Variants in CLASP1 observed in about 807,000 individuals in gnomAD.
CLASP1 encodes cytoplasmic linker associated protein 1, also known as CLIP-associating protein 1.
Under a neutral mutation model 192.3 loss-of-function variants are expected in CLASP1, and 38 were observed. That is an observed-to-expected ratio of 0.20 (90% CI 0.15 to 0.26). The LOEUF (loss-of-function observed/expected upper bound fraction) is 0.26, where lower values mean the gene tolerates loss of function less well. Among genes scored for constraint, CLASP1 ranks in the 10% least tolerant of loss-of-function variants. CLASP1 has a pLI of 1.00. For missense variants in CLASP1, 1,433 were observed against 1,932.5 expected, an observed-to-expected ratio of 0.74 and a Z score of 4.85; for synonymous variants, 691 against 712.8, an observed-to-expected ratio of 0.97 and a Z score of 0.49.
intron 14 of CLASP1, 56 bp downstream of exon 14, chr2:121,457,631 A>G: frequency 7.4e-7 from 1 of 1,358,872 alleles, no homozygotes; most frequent in Non-Finnish European, 1.0e-6. Flanking sequence ...GAGATTTGGA[A>G]TTTGTTTTGG....
At chr2:121,641,596 C>T (rs1395351304) in intron 1 of CLASP1, among the ~76,000 whole-genome samples, 1 of 152,180 alleles carries the variant, frequency 6.6e-6, no homozygotes, top group Non-Finnish European at 1.5e-5. Flanking sequence ...ACAGAGACCA[C>T]CTGCATGTAA....
chr2:121,436,974 T>A (rs1422852452), intron 19 of CLASP1, among the ~76,000 whole-genome samples: 2 of 152,196 alleles, frequency 1.3e-5, no homozygotes, highest in Non-Finnish European at 2.9e-5. Context: ...TTATTTTTAT[T>A]TTTTTCAGAC....
intron 2 of CLASP1, among the ~76,000 whole-genome samples, chr2:121,567,928 C>T (rs2059647971): frequency 6.6e-6 from 1 of 152,112 alleles, no homozygotes; most frequent in Non-Finnish European, 1.5e-5. Context: ...TTCTATCTTC[C>T]TAGATGGGGT....
intron 8 of CLASP1, among the ~76,000 whole-genome samples, chr2:121,481,794 CCTT>C (rs1330102794): frequency 1.3e-5 from 2 of 152,204 alleles, no homozygotes; most frequent in Non-Finnish European, 2.9e-5. Flanking sequence ...TGTGCATCTT[CCTT>C]CTTCTCTCCA....
intron 2 of CLASP1, among the ~76,000 whole-genome samples, chr2:121,597,610 C>G (rs935871721): frequency 6.6e-6 from 1 of 152,174 alleles, no homozygotes; most frequent in African/African-American, 2.4e-5. Flanking sequence ...TGTTAGTTCA[C>G]TTCAGGTCAA....
At chr2:121,531,028 A>G (rs573574132) in intron 2 of CLASP1, 26 of 700,270 alleles carry the variant, frequency 3.7e-5, no homozygotes, top group East Asian at 1.1e-4. Context: ...GTTTTCATAG[A>G]CTTATCAGTT....
Position 121,530,978 on chromosome 2 carries a change from T to TC in CLASP1, c.196-654_196-653insG, listed in dbSNP as rs755338710. ...AACACACCCGCATCAACTAGAGCTT[T>TC]TGCTTTATTTTGGTGCAATTTTTGG... On this transcript the variant is annotated intron_variant, in intron 2 of 39. Transcript: ENST00000263710. The TC allele has an allele frequency of 3.7e-5, 26 of 700,322 alleles. 1 individual carries two copies. The highest frequency in any genetic ancestry group is 3.7e-4 in the South Asian group (25 of 67,514). The allele number at this position is 700,322 out of a possible 1,614,324, so 43.4% of individuals were successfully genotyped here. A position where few individuals can be genotyped will look rare whatever the true frequency, so the allele number is the denominator to read the frequency against.
In CLASP1 at chr2:121,496,295, C is replaced by A. The variant is rs1162302063; in HGVS notation, c.712+6872G>T. On this transcript the variant is annotated intron_variant, in intron 8 of 39. Transcript: ENST00000263710. ...CACCCTTTTGAGTCAGCCTAGGAAGCCGCTCTGTGGACATGCAGTGCTAAC... is the reference window on the plus strand; with the variant it reads ...CACCCTTTTGAGTCAGCCTAGGAAGACGCTCTGTGGACATGCAGTGCTAAC... Among the ~76,000 whole-genome samples the A allele has an allele frequency of 2.0e-5, 3 of 152,164 alleles. No homozygotes were observed. In the East Asian group the frequency reaches 5.8e-4, roughly 29 times the overall value.
chr2:121,568,968 G>A (rs13391981), intron 2 of CLASP1, among the ~76,000 whole-genome samples: 1 of 152,146 alleles, frequency 6.6e-6, no homozygotes, highest in East Asian at 1.9e-4. Context: ...TGTTAAGCCA[G>A]AGGGATGTAA....
intron 32 of CLASP1, among the ~76,000 whole-genome samples, chr2:121,383,842 G>A (rs1268228556): frequency 6.6e-6 from 1 of 151,188 alleles, no homozygotes; most frequent in Non-Finnish European, 1.5e-5. Context: ...AATACCAAGT[G>A]GTATTTGTGT....
intron 1 of CLASP1, among the ~76,000 whole-genome samples, chr2:121,627,980 T>C (rs2068699380): frequency 6.6e-6 from 1 of 152,184 alleles, no homozygotes; most frequent in Non-Finnish European, 1.5e-5. Flanking sequence ...TGAAATACTG[T>C]GAAATTTCAT....
At chr2:121,587,302 T>G (rs575824419) in intron 2 of CLASP1, among the ~76,000 whole-genome samples, 1 of 152,264 alleles carries the variant, frequency 6.6e-6, no homozygotes, top group South Asian at 2.1e-4. Flanking sequence ...GTAAGAGGTA[T>G]GCAGGGAATC....
At chr2:121,471,582 G>T (rs1225535402) in intron 8 of CLASP1, among the ~76,000 whole-genome samples, 1 of 151,790 alleles carries the variant, frequency 6.6e-6, no homozygotes, top group Non-Finnish European at 1.5e-5. Flanking sequence ...ATTATCAACA[G>T]CCAAGTCTTG....
chr2:121,470,367 A>T, intron 8 of CLASP1: 8 of 451,568 alleles, frequency 1.8e-5, no homozygotes, highest in Admixed American at 2.9e-5. Context: ...TTGGCCTCTC[A>T]AGGTGCTAGG....
chr2:121,609,392 A>C (rs1006982238), intron 1 of CLASP1, among the ~76,000 whole-genome samples: 1 of 152,238 alleles, frequency 6.6e-6, no homozygotes, highest in African/African-American at 2.4e-5. Flanking sequence ...CAAAGAATGA[A>C]AGAGACTGGA....
intron 30 of CLASP1, 151 bp downstream of exon 31, chr2:121,396,989 T>C (rs1574298880): frequency 1.5e-6 from 1 of 661,952 alleles, no homozygotes; most frequent in Non-Finnish European, 2.6e-6. Flanking sequence ...TATTCAAAAC[T>C]GGGCAGAGCT....
intron 8 of CLASP1, among the ~76,000 whole-genome samples, chr2:121,496,794 C>G (rs1421787659): frequency 6.6e-6 from 1 of 152,136 alleles, no homozygotes; most frequent in Non-Finnish European, 1.5e-5. Context: ...AGGGTGCCTG[C>G]CCACACTTAA....
At chr2:121,626,785 C>T (rs2068454747) in intron 1 of CLASP1, among the ~76,000 whole-genome samples, 1 of 152,180 alleles carries the variant, frequency 6.6e-6, no homozygotes, top group Admixed American at 6.5e-5. Flanking sequence ...CACCAAAATG[C>T]AGCTCCTTCT....
At chr2:121,624,352 C>T (rs2067917272) in intron 1 of CLASP1, among the ~76,000 whole-genome samples, 1 of 152,126 alleles carries the variant, frequency 6.6e-6, no homozygotes, top group Non-Finnish European at 1.5e-5. Context: ...TCGCATGAAG[C>T]ATAGTAGGCC....
Sources: gnomAD v4.1 joint callset for allele counts (sites outside exome capture counted in the v4.1 genomes callset) on GRCh38, gnomAD v4.1.1 for gene constraint, MANE v1.5 for transcripts, NCBI Gene and HGNC (gene_info 2026-07-23, HGNC 2026-07-21) for gene names.